The following SLC4A2 variants were observed in gnomAD, a reference collection of about 807,000 sequenced individuals.
The protein encoded by SLC4A2 is anion exchange protein 2.
A neutral mutation model predicts 115.0 loss-of-function variants in SLC4A2; 36 were observed. The ratio of observed to expected loss-of-function variants is 0.31; its 90% CI spans 0.24 to 0.41. The LOEUF (loss-of-function observed/expected upper bound fraction) is 0.41, where lower values mean the gene tolerates loss of function less well. Among genes scored for constraint, SLC4A2 ranks in the 10% least tolerant of loss-of-function variants. The pLI is 1.00. For missense variants in SLC4A2, 1,252 were observed against 1,705.6 expected, an observed-to-expected ratio of 0.73 and a Z score of 4.68; for synonymous variants, 708 against 708.3, an observed-to-expected ratio of 1.00 and a Z score of 0.01.
chr7:151,070,098 C>T lies in SLC4A2; in HGVS notation c.1283+16C>T. ...TGAAACACAGGTGAGGCCCTGTGGG[C>T]CAGTTGGGGATGACACTTCAGCCCA... On this transcript the variant is annotated intron_variant, in intron 9 of 22. Coordinates refer to ENST00000413384, the MANE Select transcript of SLC4A2 (RefSeq NM_003040.4). The T allele has an allele frequency of 1.9e-6, 3 of 1,613,836 alleles. No individual in the cohort carries two copies. The highest frequency in any genetic ancestry group is 2.5e-6 in the Non-Finnish European group (3 of 1,179,844).
chr7:151,075,023 C>T (rs1020887241), intron 19 of SLC4A2, 182 bp downstream of exon 19: 29 of 876,538 alleles, frequency 3.3e-5, no homozygotes, highest in Non-Finnish European at 4.4e-5. Flanking sequence ...GGGACAGGAA[C>T]AGCACGTGGA....
chr7:151,070,046 G>A lies in SLC4A2; in HGVS notation c.1247G>A (p.Arg416Lys), dbSNP rs777213196. ...TCTGACCAGATCAAGGCCGAGGACA[G>A]GGCCAACGTGCTGCGGGCTCTGCTG... ...VISDQIKAED[R>K]ANVLRALLLK... The change falls in exon 9 of 23, where the codon AGG becomes AAG. Residue 416 changes from arginine (R) to lysine (K), a missense_variant. Arg to Lys is a conservative substitution (Grantham distance 26, BLOSUM62 2). Coordinates refer to ENST00000413384, the MANE Select transcript of SLC4A2 (RefSeq NM_003040.4). 1.9e-6 allele frequency: 3 copies of A among 1,614,150 alleles called. No homozygotes were observed. The highest frequency in any genetic ancestry group is 2.7e-5 in the African/African-American group (2 of 75,064).
rs757751493 is a variant in SLC4A2, at chr7:151,074,143, G to A, written c.2640G>A (p.Pro880=). 62 of 1,612,660 alleles carry A rather than the reference G, an allele frequency of 3.8e-5. No individual in the cohort carries two copies. The Middle Eastern group carries it at 1.2e-3, about 32-fold the overall frequency. Residue 880 remains proline, a synonymous_variant, in exon 17 of 23, where the codon CCG becomes CCA. Coordinates refer to ENST00000413384, the MANE Select transcript of SLC4A2 (RefSeq NM_003040.4). ...CCGGGGCAAGACCCACGCTGGGGCC[G>A]GGCAACAGGAGCTTGGCTGGGCAGT... ...TWAGARPTLG[P]GNRSLAGQSG... is the part of the protein sequence containing the mutation.
intron 1 of SLC4A2, chr7:151,061,324 C>CT (rs1228339873): frequency 6.6e-6 from 1 of 151,396 alleles, no homozygotes; most frequent in Non-Finnish European, 1.5e-5. Flanking sequence ...TCCCTCCTGC[C>CT]GGTCCCCAAG....
chr7:151,073,512 GC>G (rs893146310), intron 16 of SLC4A2, among the ~76,000 whole-genome samples: 1 of 152,016 alleles, frequency 6.6e-6, no homozygotes, highest in Non-Finnish European at 1.5e-5. Context: ...CAAGTGATCT[GC>G]CCGCCTCGGC....
In SLC4A2 at chr7:151,066,547, G is replaced by C. The variant is rs375839693; in HGVS notation, c.609G>C (p.Ala203=). 2.0e-6 allele frequency: 3 copies of C among 1,536,756 alleles called. 1 individual carries two copies. The Admixed American group carries it at 6.0e-5, about 31-fold the overall frequency. The change falls in exon 6 of 23, where the codon GCG becomes GCC. Residue 203 remains alanine, a synonymous_variant. Coordinates refer to ENST00000413384, the MANE Select transcript of SLC4A2 (RefSeq NM_003040.4). Reference sequence around the variant, plus strand: ...AGGTGGAGGAGGCGGAGGCGGAGGCGGTGGCGGTGGCCAGTGGCACTGCAG... The same window carrying C: ...AGGTGGAGGAGGCGGAGGCGGAGGCCGTGGCGGTGGCCAGTGGCACTGCAG... ...GTQVEEAEAE[A]VAVASGTAGG...
chr7:151,062,438 G>A, intron 2 of SLC4A2: 1 of 1,036,502 alleles, frequency 9.6e-7, no homozygotes, highest in Non-Finnish European at 1.3e-6. Flanking sequence ...CTGCCCACGT[G>A]CCACCCAGGC....
At chr7:151,070,373 G>T in intron 10 of SLC4A2, 27 bp downstream of exon 10, 1 of 1,609,364 alleles carries the variant, frequency 6.2e-7, no homozygotes, top group East Asian at 2.2e-5. Flanking sequence ...CCCTGCCTGG[G>T]CTGGCGGCAG....
chr7:151,064,134 A>G (rs2061124180), intron 2 of SLC4A2, 68 bp from the exon 3 acceptor site: 1 of 1,530,630 alleles, frequency 6.5e-7, no homozygotes. Context: ...GGCACTGGGA[A>G]GGGTGAGGTT....
chr7:151,072,545 C>T (rs1797475990), intron 16 of SLC4A2, among the ~76,000 whole-genome samples: 1 of 152,214 alleles, frequency 6.6e-6, no homozygotes, highest in African/African-American at 2.4e-5. Flanking sequence ...CCCACCTCGG[C>T]CTCCCAAAAT....
rs1414066068 is a variant in SLC4A2 at position 151,070,514 on chromosome 7, G to A, written c.1507G>A (p.Glu503Lys). The A allele has an allele frequency of 1.9e-6, 3 of 1,613,804 alleles. No individual in the cohort carries two copies. The highest frequency in any genetic ancestry group is 1.7e-6 in the Non-Finnish European group (2 of 1,179,928). Residue 503 changes from glutamate (E) to lysine (K), a missense_variant, in exon 11 of 23, where the codon GAG becomes AAG. Glu to Lys is a moderately conservative substitution (Grantham distance 56). Transcript: ENST00000413384. ...AGITRSKSKH[E>K]LKLLEKIPEN... is the part of the protein sequence containing the mutation. ...CATCACCCGCTCCAAGTCCAAGCAC[G>A]AGCTGAAACTGCTGGAGAAGATTCC...
intron 16 of SLC4A2, 163 bp from the exon 17 acceptor site, chr7:151,073,867 GCCCTGTGCT>G: frequency 4.3e-6 from 3 of 691,642 alleles, no homozygotes; most frequent in Non-Finnish European, 7.2e-6. Flanking sequence ...GCCCCACACT[GCCCTGTGCT>G]CACAGCTGGT....
intron 7 of SLC4A2, 74 bp from the exon 8 acceptor site, chr7:151,067,800 C>T (rs36017510): frequency 2.2e-6 from 3 of 1,337,274 alleles, no homozygotes; most frequent in Non-Finnish European, 3.2e-6. Flanking sequence ...CCTCTGACAC[C>T]ACTCACCTCT....
chr7:151,063,191 T>C, intron 2 of SLC4A2: 2 of 63,956 alleles, frequency 3.1e-5, no homozygotes, highest in Non-Finnish European at 2.2e-5. Context: ...ATGACTCAGG[T>C]GGGGGCTGTG....
rs751300355 is a variant in SLC4A2, at chr7:151,064,248, A to G, written c.98A>G (p.Gln33Arg). The change falls in exon 3 of 23, where the codon CAG becomes CGG. Residue 33 changes from glutamine (Q) to arginine (R), a missense_variant. Physicochemically the swap from Gln to Arg is conservative, Grantham distance 43 (BLOSUM62 1). Transcript: ENST00000413384. ...CCTGGGACGCCTGGGTTCCCCGAGC[A>G]GGAGGAAGACGAACTTCACCGCACC... is the stretch of plus-strand genomic sequence containing the variant. Reference protein sequence around the residue: ...LGPGTPGFPEQEEDELHRTLG... With the variant: ...LGPGTPGFPEREEDELHRTLG... 1.4e-5 allele frequency: 22 copies of G among 1,612,464 alleles called. No homozygotes were observed. The highest frequency in any genetic ancestry group is 1.9e-5 in the Non-Finnish European group (22 of 1,179,962).
At chr7:151,070,428 C>G (rs1475900722) in intron 10 of SLC4A2, 29 bp from the exon 11 acceptor site, 2 of 1,611,024 alleles carry the variant, frequency 1.2e-6, no homozygotes, top group Admixed American at 1.7e-5. Flanking sequence ...AGGGGCCTGG[C>G]TGGGCTGAGC....
At position 151,076,204 on chromosome 7, in the gene SLC4A2, C is replaced by T. The variant is rs1309827518; in HGVS notation, c.3645+18C>T. ...TGAAATGTGTAAGCCCTCCCGTCTG[C>T]CTCCCCCGGTTCCTCTTGCCTCCCT... On this transcript the variant is annotated intron_variant, in intron 22 of 22. Coordinates refer to ENST00000413384, the MANE Select transcript of SLC4A2 (RefSeq NM_003040.4). 2.5e-6 allele frequency: 4 copies of T among 1,611,248 alleles called. No individual in the cohort carries two copies. The East Asian group carries it at 8.9e-5, about 36-fold the overall frequency.
intron 2 of SLC4A2, chr7:151,062,927 G>A (rs1563339427): frequency 1.4e-6 from 2 of 1,397,642 alleles, no homozygotes; most frequent in Non-Finnish European, 1.8e-6. Context: ...CCCTCCCCGC[G>A]CTCTTCCTTG....
chr7:151,076,017 G>T lies in SLC4A2; in HGVS notation c.3476G>T (p.Arg1159Leu). ...HPDVTYVKKV[R>L]TLRMHLFTAL... ...TCACCTGTCTCCGCCCCCCAGGTCC[G>T]GACCCTCCGTATGCACCTGTTCACG... The change falls in exon 22 of 23, where the codon CGG becomes CTG. Residue 1159 changes from arginine (R) to leucine (L), a missense_variant. This residue lies in a region of SLC4A2 where 253 missense variants were observed against 407.4 expected (regional missense o/e 0.62). Coordinates refer to ENST00000413384, the MANE Select transcript of SLC4A2 (RefSeq NM_003040.4). The T allele has an allele frequency of 4.4e-6, 7 of 1,601,486 alleles. No homozygotes were observed. The highest frequency in any genetic ancestry group is 6.0e-6 in the Non-Finnish European group (7 of 1,173,852).
Sources: gnomAD v4.1 joint callset for allele counts (sites outside exome capture counted in the v4.1 genomes callset) on GRCh38, gnomAD v4.1.1 for gene constraint, gnomAD v4.1.1 regional missense constraint, MANE v1.5 for transcripts, NCBI Gene and HGNC (gene_info 2026-07-23, HGNC 2026-07-21) for gene names.